TUBA4B: variants seen among roughly 807,000 people sequenced by gnomAD.
The protein encoded by TUBA4B is tubulin-like protein alpha-4B.
In TUBA4B, 13 loss-of-function variants were observed where a neutral mutation model predicts 18.4. That is an observed-to-expected ratio of 0.71 (90% confidence interval 0.46 to 1.12). The LOEUF (loss-of-function observed/expected upper bound fraction) is 1.12. Among genes scored for constraint, TUBA4B ranks in the 50% most tolerant of loss-of-function variants. The pLI, the probability that TUBA4B is intolerant of heterozygous loss-of-function variation, is 0.00. For missense variants in TUBA4B, 244 were observed against 250.0 expected (o/e 0.98, Z 0.16); for synonymous variants, 101 against 99.1 (o/e 1.02, Z -0.11).
chr2:219,255,332 G>C (rs886864605), intron 1 of TUBA4B, among the ~76,000 whole-genome samples: 1 of 152,186 alleles, frequency 6.6e-6, no homozygotes, highest in Non-Finnish European at 1.5e-5. Context: ...CCTGCCTCGC[G>C]GGTTCTAGCG....
At chr2:219,257,378 C>T (rs1000084278) in intron 1 of TUBA4B, among the ~76,000 whole-genome samples, 3 of 135,414 alleles carry the variant, frequency 2.2e-5, no homozygotes, top group Non-Finnish European at 4.7e-5. Context: ...GGATCTTGGC[C>T]GGGCATGTAA....
chr2:219,254,012 A>T (rs984081092), intron 1 of TUBA4B: 1 of 744,852 alleles, frequency 1.3e-6, no homozygotes, highest in Non-Finnish European at 2.0e-6. Context: ...CCCGCAGGCC[A>T]CGCCTCCCGG....
At chr2:219,258,392 C>A (rs972972040) in intron 1 of TUBA4B, among the ~76,000 whole-genome samples, 1 of 152,060 alleles carries the variant, frequency 6.6e-6, no homozygotes, top group Non-Finnish European at 1.5e-5. Flanking sequence ...GCAATCTTGG[C>A]TCGCTGCAAC....
At chr2:219,257,805 G>A (rs1269838735) in intron 1 of TUBA4B, among the ~76,000 whole-genome samples, 2 of 149,842 alleles carry the variant, frequency 1.3e-5, no homozygotes, top group African/African-American at 5.0e-5. Context: ...CAACAAGAGC[G>A]AAACTGTCTC....
In TUBA4B at chr2:219,268,233, C is replaced by T. The variant is rs562038593; in HGVS notation, c.58+1667C>T. Among the ~76,000 whole-genome samples the T allele has an allele frequency of 7.2e-5, 11 of 152,012 alleles. 2 individuals are homozygous for T. The highest frequency in any genetic ancestry group is 2.4e-4 in the African/African-American group (10 of 41,426). On this transcript the variant is annotated intron_variant, in intron 2 of 3. Coordinates refer to ENST00000490341, the MANE Select transcript of TUBA4B (RefSeq NM_001355221.1). ...AAGCAATTCTCCTGCCTCAGCCTCCCGAGTAGCTGGGATTATAAGCATACA... is the reference window on the plus strand; with the variant it reads ...AAGCAATTCTCCTGCCTCAGCCTCCTGAGTAGCTGGGATTATAAGCATACA...
chr2:219,258,478 G>A (rs1489029168), intron 1 of TUBA4B, among the ~76,000 whole-genome samples: 1 of 150,618 alleles, frequency 6.6e-6, no homozygotes, highest in African/African-American at 2.4e-5. Flanking sequence ...GCACCACCAC[G>A]CCTGGCTAGT....
At chr2:219,254,155 C>A in intron 1 of TUBA4B, 1 of 345,906 alleles carries the variant, frequency 2.9e-6, no homozygotes, top group Non-Finnish European at 5.2e-6. Flanking sequence ...TCGTTTTGAG[C>A]AGACACGCTG....
At chr2:219,256,818 T>C (rs2125073466) in intron 1 of TUBA4B, among the ~76,000 whole-genome samples, 1 of 152,156 alleles carries the variant, frequency 6.6e-6, no homozygotes, top group Non-Finnish European at 1.5e-5. Flanking sequence ...TGAGACCCTG[T>C]CTCTACCAAA....
At chr2:219,253,807 G>A (rs774671045) in intron 1 of TUBA4B, 3 of 1,538,516 alleles carry the variant, frequency 1.9e-6, no homozygotes, top group Admixed American at 2.1e-5. Context: ...TCCCCCAAAG[G>A]AGAGGGGCAA....
At chr2:219,256,106 C>T (rs1951717695) in intron 1 of TUBA4B, among the ~76,000 whole-genome samples, 3 of 152,210 alleles carry the variant, frequency 2.0e-5, no homozygotes, top group Non-Finnish European at 4.4e-5. Flanking sequence ...TCCTTGTGCT[C>T]TCCTATCCTA....
chr2:219,262,696 T>G (rs1009580813), intron 1 of TUBA4B, among the ~76,000 whole-genome samples: 3 of 152,088 alleles, frequency 2.0e-5, no homozygotes, highest in Admixed American at 1.3e-4. Flanking sequence ...TTTTTTTTTT[T>G]GTGGAGGCAG....
chr2:219,259,155 T>C (rs1249166076), intron 1 of TUBA4B, among the ~76,000 whole-genome samples: 1 of 147,772 alleles, frequency 6.8e-6, no homozygotes, highest in Non-Finnish European at 1.5e-5. Context: ...AATAAATAAA[T>C]AAATAAATAA....
chr2:219,266,576 AG>A lies in TUBA4B; in HGVS notation c.58+14del, dbSNP rs1302560333. On this transcript the variant is annotated intron_variant, in intron 2 of 3. Transcript: ENST00000490341. ...CTGTCCAGGCAGCATGGTGAGTAGA[AG>A]GGGCCTTGGGGGGACTGAGCATGCA... 8 of 702,858 alleles carry A rather than the reference AG, an allele frequency of 1.1e-5. No homozygotes were observed. Among genetic ancestry groups the A allele is most frequent in the Non-Finnish European group, 1.8e-5 (7 of 384,980 alleles). 43.5% of individuals were successfully genotyped at this position (702,858 alleles called of 1,614,324 possible).
At chr2:219,261,986 G>A (rs1048857318) in intron 1 of TUBA4B, among the ~76,000 whole-genome samples, 2 of 152,124 alleles carry the variant, frequency 1.3e-5, no homozygotes, top group African/African-American at 2.4e-5. Context: ...ATCTTGCCTC[G>A]CTGACTCCTC....
rs535209476 is a variant in TUBA4B, at chr2:219,257,227, G to C, written c.12+3808G>C. Among the ~76,000 whole-genome samples, 21 of 151,162 alleles carry C rather than the reference G, an allele frequency of 1.4e-4. 2 individuals are homozygous for C. The highest frequency in any genetic ancestry group is 5.1e-4 in the African/African-American group (21 of 41,248). The stretch of plus-strand genomic sequence containing the variant: ...CCTGGCTAATTTTGTATTTTTAGTA[G>C]AGATGGGGTTTCACAGTGTTAGCCA... On this transcript the variant is annotated intron_variant, in intron 1 of 3. Coordinates refer to ENST00000490341, the MANE Select transcript of TUBA4B (RefSeq NM_001355221.1).
At chr2:219,262,388 A>C (rs1951765242) in intron 1 of TUBA4B, among the ~76,000 whole-genome samples, 1 of 152,232 alleles carries the variant, frequency 6.6e-6, no homozygotes, top group Non-Finnish European at 1.5e-5. Flanking sequence ...TTCAGTCTAA[A>C]ATAGCAGCCC....
At chr2:219,260,892 G>A (rs1157281349) in intron 1 of TUBA4B, among the ~76,000 whole-genome samples, 1 of 152,130 alleles carries the variant, frequency 6.6e-6, no homozygotes, top group Non-Finnish European at 1.5e-5. Flanking sequence ...AGAATCATTT[G>A]AAGGAGGCGA....
At chr2:219,255,408 T>C (rs980024876) in intron 1 of TUBA4B, among the ~76,000 whole-genome samples, 8 of 152,174 alleles carry the variant, frequency 5.3e-5, no homozygotes, top group Non-Finnish European at 1.2e-4. Flanking sequence ...GATTTTTGTA[T>C]TTTTAGTAGA....
At chr2:219,255,584 T>G (rs1004000191) in intron 1 of TUBA4B, among the ~76,000 whole-genome samples, 1 of 151,984 alleles carries the variant, frequency 6.6e-6, no homozygotes. Context: ...TGTCCAGATT[T>G]GTCTTGAACT....
Sources: allele counts gnomAD v4.1 joint callset (sites outside exome capture counted in the v4.1 genomes callset), GRCh38; gene constraint gnomAD v4.1.1; transcripts MANE v1.5; gene names NCBI Gene and HGNC (gene_info 2026-07-23, HGNC 2026-07-21).